Variants in PRKG1 observed in about 807,000 individuals in gnomAD.
PRKG1 encodes protein kinase cGMP-dependent 1, also known as cGMP-dependent protein kinase 1.
A neutral mutation model predicts 88.1 loss-of-function variants in PRKG1; 35 were observed. The ratio of observed to expected loss-of-function variants is 0.40; its 90% CI spans 0.30 to 0.53. The LOEUF is 0.53. PRKG1 is among the 20% of genes least tolerant of loss of function. PRKG1 has a pLI of 0.59. For missense variants in PRKG1, 540 were observed against 839.8 expected (o/e 0.64, Z 4.41); for synonymous variants, 303 against 292.5 (o/e 1.04, Z -0.37).
intron 3 of PRKG1, among the ~76,000 whole-genome samples, chr10:51,521,875 T>A (rs1013848940): frequency 2.6e-5 from 4 of 152,190 alleles, no homozygotes; most frequent in Admixed American, 2.6e-4. Flanking sequence ...GCATTTAACA[T>A]AAGGCTGTGA....
intron 3 of PRKG1, among the ~76,000 whole-genome samples, chr10:51,543,267 A>G (rs1463702060): frequency 2.6e-5 from 4 of 152,244 alleles, no homozygotes; most frequent in African/African-American, 7.2e-5. Context: ...AGAGTTTTAA[A>G]TTCTTGAAAG....
intron 2 of PRKG1, among the ~76,000 whole-genome samples, chr10:51,309,239 T>A (rs1173632348): frequency 1.3e-5 from 2 of 152,122 alleles, no homozygotes; most frequent in East Asian, 3.9e-4. Flanking sequence ...CAAGTGTCTT[T>A]CAAATCCCAG....
intron 3 of PRKG1, among the ~76,000 whole-genome samples, chr10:51,569,887 C>A (rs181743836): frequency 1.3e-5 from 2 of 151,936 alleles, no homozygotes; most frequent in East Asian, 3.9e-4. Flanking sequence ...GTTTTACCAG[C>A]TAGTATGGTG....
At chr10:51,755,475 T>C (rs1004244718) in intron 3 of PRKG1, among the ~76,000 whole-genome samples, 1 of 152,182 alleles carries the variant, frequency 6.6e-6, no homozygotes, top group Non-Finnish European at 1.5e-5. Flanking sequence ...GATCTGCTGC[T>C]AACAGCAATA....
intron 1 of PRKG1, among the ~76,000 whole-genome samples, chr10:51,118,485 GATA>G (rs1335945365): frequency 3.3e-5 from 5 of 152,200 alleles, no homozygotes; most frequent in African/African-American, 9.6e-5. Context: ...CATTAAAAAT[GATA>G]ATAACTCTGT....
chr10:51,384,784 C>A (rs1388179025), intron 2 of PRKG1, among the ~76,000 whole-genome samples: 1 of 152,134 alleles, frequency 6.6e-6, no homozygotes, highest in Non-Finnish European at 1.5e-5. Context: ...ATGGTCATAA[C>A]TCATATTTCC....
intron 5 of PRKG1, chr10:51,908,734 A>ATATATATATATATATTTTTT (rs563212069): frequency 5.7e-5 from 3 of 52,222 alleles, no homozygotes; most frequent in East Asian, 3.4e-4. Context: ...TCTATATGTA[A>ATATATATATATATATTTTTT]TTTTTTTTTT....
intron 3 of PRKG1, among the ~76,000 whole-genome samples, chr10:51,634,062 T>A (rs1397167683): frequency 6.6e-6 from 1 of 152,138 alleles, no homozygotes; most frequent in Non-Finnish European, 1.5e-5. Flanking sequence ...TCTGGATTGA[T>A]GACATATCAC....
At chr10:52,278,417 T>C (rs1841922922) in intron 12 of PRKG1, among the ~76,000 whole-genome samples, 5 of 152,094 alleles carry the variant, frequency 3.3e-5, no homozygotes, top group Non-Finnish European at 7.4e-5. Flanking sequence ...TCCTCAAGGA[T>C]CTAGAACCAG....
intron 1 of PRKG1, among the ~76,000 whole-genome samples, chr10:51,123,728 T>A (rs1163249129): frequency 2.0e-5 from 3 of 149,602 alleles, no homozygotes; most frequent in African/African-American, 7.4e-5. Flanking sequence ...GCTCTGAGAC[T>A]GGGTAATTTA....
At chr10:51,271,045 C>A (rs1483077752) in intron 2 of PRKG1, among the ~76,000 whole-genome samples, 3 of 152,148 alleles carry the variant, frequency 2.0e-5, no homozygotes, top group Non-Finnish European at 4.4e-5. Flanking sequence ...AACCTTGAGT[C>A]ATTCAACTCA....
intron 9 of PRKG1, among the ~76,000 whole-genome samples, chr10:52,177,230 T>C (rs1838890566): frequency 6.6e-6 from 1 of 152,122 alleles, no homozygotes; most frequent in South Asian, 2.1e-4. Flanking sequence ...GGATGTTGAA[T>C]TTTCTCACAT....
intron 9 of PRKG1, among the ~76,000 whole-genome samples, chr10:52,250,735 G>A (rs1841149135): frequency 6.6e-6 from 1 of 152,032 alleles, no homozygotes; most frequent in African/African-American, 2.4e-5. Flanking sequence ...AAAATAGCAG[G>A]GCCTTTGACA....
intron 3 of PRKG1, among the ~76,000 whole-genome samples, chr10:51,690,892 C>A (rs1188121581): frequency 6.9e-6 from 1 of 144,884 alleles, no homozygotes; most frequent in Non-Finnish European, 1.5e-5. Context: ...CACCACTACA[C>A]CCCCCAGCCT....
intron 7 of PRKG1, among the ~76,000 whole-genome samples, chr10:52,109,592 C>A (rs1253838577): frequency 6.6e-6 from 1 of 152,068 alleles, no homozygotes; most frequent in Non-Finnish European, 1.5e-5. Flanking sequence ...CATAGTGACA[C>A]CCCATCCCTA....
At chr10:51,069,311 T>A (rs1168868774) in intron 1 of PRKG1, among the ~76,000 whole-genome samples, 1 of 152,016 alleles carries the variant, frequency 6.6e-6, no homozygotes, top group Non-Finnish European at 1.5e-5. Context: ...AGCCAAACTA[T>A]TTCAATTTTT....
At chr10:51,622,952 CAG>C (rs1180234858) in intron 3 of PRKG1, among the ~76,000 whole-genome samples, 13 of 152,182 alleles carry the variant, frequency 8.5e-5, no homozygotes, top group African/African-American at 2.9e-4. Context: ...ATGCATGAGA[CAG>C]AGTCACATGA....
chr10:51,142,233 A>T (rs1228060920), intron 1 of PRKG1, among the ~76,000 whole-genome samples: 5 of 152,162 alleles, frequency 3.3e-5, no homozygotes, highest in African/African-American at 4.8e-5. Flanking sequence ...TTCTGTATTG[A>T]GATTATCCTT....
chr10:51,308,374 T>C (rs1841093354), intron 2 of PRKG1, among the ~76,000 whole-genome samples: 1 of 152,146 alleles, frequency 6.6e-6, no homozygotes, highest in Admixed American at 6.6e-5. Flanking sequence ...TTCAGTTTCC[T>C]TGTATGTTAA....
Sources: allele counts gnomAD v4.1 joint callset (sites outside exome capture counted in the v4.1 genomes callset), GRCh38; gene constraint gnomAD v4.1.1; transcripts MANE v1.5; gene names NCBI Gene and HGNC (gene_info 2026-07-23, HGNC 2026-07-21).